Variants in E2F5 observed in about 807,000 individuals in gnomAD.
E2F5 encodes transcription factor E2F5.
Under a neutral mutation model 39.1 loss-of-function variants are expected in E2F5, and 23 were observed. The observed-to-expected ratio is 0.59, with a 90% CI of 0.42 to 0.83. The LOEUF (loss-of-function observed/expected upper bound fraction) is 0.83, where lower values mean the gene tolerates loss of function less well. Ranked by LOEUF, E2F5 falls within the 40% of genes least tolerant of loss-of-function variation. The pLI is 0.00. For synonymous variants in E2F5, 145 were observed against 157.8 expected (o/e 0.92, Z 0.61); for missense variants, 365 against 406.7 (o/e 0.90, Z 0.88).
chr8:85,191,561 AT>A (rs1812465836), intron 1 of E2F5, among the ~76,000 whole-genome samples: 1 of 152,170 alleles, frequency 6.6e-6, no homozygotes, highest in Non-Finnish European at 1.5e-5. Context: ...TTAATTACCA[AT>A]TTTATTTAAA....
At chr8:85,209,050 T>C in intron 5 of E2F5, 92 bp from the exon 6 acceptor site, 1 of 1,265,684 alleles carries the variant, frequency 7.9e-7, no homozygotes, top group East Asian at 2.3e-5. Flanking sequence ...ATTTAGTAAG[T>C]CCCTAATAGC....
intron 1 of E2F5, chr8:85,187,552 A>G (rs1014363918): frequency 5.3e-5 from 8 of 151,992 alleles, no homozygotes; most frequent in African/African-American, 1.9e-4. Context: ...TGACCTTTGT[A>G]TCTTTTTATA....
chr8:85,204,755 AAAC>A (rs1812766912), intron 3 of E2F5, among the ~76,000 whole-genome samples: 1 of 152,188 alleles, frequency 6.6e-6, no homozygotes, highest in Admixed American at 6.5e-5. Flanking sequence ...TTTGATATAT[AAAC>A]TAACCAGTCA....
intron 1 of E2F5, among the ~76,000 whole-genome samples, chr8:85,184,289 C>G (rs567665933): frequency 1.3e-3 from 202 of 152,246 alleles, no homozygotes; most frequent in Non-Finnish European, 2.6e-3. Context: ...TCAATAGATG[C>G]AAAAAGGCCT....
intron 3 of E2F5, 50 bp downstream of exon 3, chr8:85,203,305 T>C (rs1292142576): frequency 1.4e-6 from 2 of 1,393,746 alleles, no homozygotes; most frequent in Admixed American, 2.7e-5. Context: ...GGAATATGTA[T>C]GTATAAATCA....
intron 1 of E2F5, among the ~76,000 whole-genome samples, chr8:85,186,718 G>T (rs1812347854): frequency 6.8e-6 from 1 of 146,314 alleles, no homozygotes; most frequent in Non-Finnish European, 1.5e-5. Context: ...TATATATAAG[G>T]TGTATATATG....
At chr8:85,206,542 A>C (rs3779901) in intron 4 of E2F5, among the ~76,000 whole-genome samples, 95,211 of 151,894 alleles carry the variant, frequency 0.63, 30,468 homozygotes, top group Non-Finnish European at 0.67. Flanking sequence ...GTTAGTGACC[A>C]AACTTGAACT....
chr8:85,186,111 A>G lies in E2F5; in HGVS notation c.234+8457A>G, dbSNP rs182413040. Among the ~76,000 whole-genome samples, 7 of 152,298 alleles carry G rather than the reference A, an allele frequency of 4.6e-5. No individual in the cohort carries two copies. In the South Asian group the frequency reaches 8.3e-4, roughly 18 times the overall value. On this transcript the variant is annotated intron_variant, in intron 1 of 7. Transcript: ENST00000416274. ...ATAGCAAAGACTTGGAACCAACCCA[A>G]ATATCCATCAATGGTAGACTGGATA...
intron 1 of E2F5, among the ~76,000 whole-genome samples, chr8:85,183,983 G>T (rs1812274547): frequency 6.6e-6 from 1 of 152,040 alleles, no homozygotes. Flanking sequence ...GCCACCCAGA[G>T]GAAAGACCAT....
At chr8:85,186,411 C>T (rs193247877) in intron 1 of E2F5, among the ~76,000 whole-genome samples, 5 of 151,800 alleles carry the variant, frequency 3.3e-5, no homozygotes, top group East Asian at 1.9e-4. Context: ...ATGTGGGTGA[C>T]GAGTTGATGG....
At chr8:85,209,022 C>T in intron 5 of E2F5, 120 bp from the exon 6 acceptor site, 2 of 1,034,190 alleles carry the variant, frequency 1.9e-6, no homozygotes, top group Non-Finnish European at 1.4e-6. Flanking sequence ...GACTTAATGA[C>T]TTTATTGTGT....
At chr8:85,203,317 T>C in intron 3 of E2F5, 62 bp downstream of exon 3, 1 of 1,338,390 alleles carries the variant, frequency 7.5e-7, no homozygotes, top group Non-Finnish European at 9.8e-7. Context: ...TATAAATCAT[T>C]TCAGTCTAAA....
intron 1 of E2F5, among the ~76,000 whole-genome samples, chr8:85,188,836 C>CTG (rs933393016): frequency 6.6e-6 from 1 of 152,148 alleles, no homozygotes; most frequent in African/African-American, 2.4e-5. Context: ...TCTCTCCTTG[C>CTG]TGTGCTTCCT....
At chr8:85,200,181 A>G in intron 1 of E2F5, 2 of 297,198 alleles carry the variant, frequency 6.7e-6, no homozygotes, top group Non-Finnish European at 9.9e-6. Context: ...CAGGTGGTGG[A>G]GGTTGCAGTG....
At chr8:85,200,286 C>G in intron 1 of E2F5, 1 of 958,120 alleles carries the variant, frequency 1.0e-6, no homozygotes, top group Non-Finnish European at 1.2e-6. Context: ...AAAATAAAAC[C>G]CTCCTGGAGA....
intron 1 of E2F5, among the ~76,000 whole-genome samples, chr8:85,191,091 A>G (rs1208557256): frequency 6.6e-6 from 1 of 152,178 alleles, no homozygotes; most frequent in East Asian, 1.9e-4. Context: ...CTATAGAACT[A>G]TAAGATAATA....
Position 85,185,917 on chromosome 8 carries a change from T to C in E2F5, c.234+8263T>C, listed in dbSNP as rs112143226. Among the ~76,000 whole-genome samples, 1,422 of 152,280 alleles carry C rather than the reference T, an allele frequency of 9.3e-3. 17 individuals are homozygous for C. Among genetic ancestry groups the C allele is most frequent in the Non-Finnish European group, 0.013 (892 of 68,022 alleles). On this transcript the variant is annotated intron_variant, in intron 1 of 7. Coordinates refer to ENST00000416274, the MANE Select transcript of E2F5 (RefSeq NM_001951.4). Reference sequence around the variant, plus strand: ...TGCTTTTATACTGTTGGTGGGAGTTTAAATTAGTTCAACCATTGTGGAAGA... The same window carrying C: ...TGCTTTTATACTGTTGGTGGGAGTTCAAATTAGTTCAACCATTGTGGAAGA...
chr8:85,180,172 C>A (rs1417171132), intron 1 of E2F5, among the ~76,000 whole-genome samples: 1 of 151,896 alleles, frequency 6.6e-6, no homozygotes, highest in Non-Finnish European at 1.5e-5. Flanking sequence ...AGGTGCCCGC[C>A]ACCATGCCCG....
chr8:85,194,533 C>CTTTTTTTTTTTTTTTTTTTTTTCT (rs753685580), intron 1 of E2F5, among the ~76,000 whole-genome samples: 1 of 128,002 alleles, frequency 7.8e-6, no homozygotes, highest in Non-Finnish European at 1.7e-5. Flanking sequence ...GTTTGTTTCT[C>CTTTTTTTTTTTTTTTTTTTTTTCT]TTTTTTTTTT....
Sources: gnomAD v4.1 joint callset for allele counts (sites outside exome capture counted in the v4.1 genomes callset) on GRCh38, gnomAD v4.1.1 for gene constraint, MANE v1.5 for transcripts, NCBI Gene and HGNC (gene_info 2026-07-23, HGNC 2026-07-21) for gene names.